SEMA6D: variants seen among roughly 807,000 people sequenced by gnomAD.
SEMA6D encodes the protein semaphorin-6D.
In SEMA6D, 35 loss-of-function variants were observed where a neutral mutation model predicts 106.6. That is an observed-to-expected ratio of 0.33 (90% CI 0.25 to 0.44). The LOEUF (loss-of-function observed/expected upper bound fraction) is 0.44. Ranked by LOEUF, SEMA6D falls within the 20% of genes least tolerant of loss-of-function variation. SEMA6D has a pLI of 1.00. For missense variants in SEMA6D, 1,185 were observed against 1,345.9 expected (o/e 0.88, Z 1.87); for synonymous variants, 499 against 487.7 (o/e 1.02, Z -0.31).
intron 4 of SEMA6D, among the ~76,000 whole-genome samples, chr15:47,658,623 T>G (rs1486420012): frequency 6.6e-6 from 1 of 152,170 alleles, no homozygotes. Flanking sequence ...TGCGCAATCC[T>G]TCCCCCCTCA....
chr15:47,335,689 A>C (rs577628742), intron 1 of SEMA6D, among the ~76,000 whole-genome samples: 2 of 152,174 alleles, frequency 1.3e-5, no homozygotes, highest in African/African-American at 4.8e-5. Flanking sequence ...TGTGGTCTCA[A>C]CTTCCACATA....
chr15:47,663,005 T>G (rs1323012558), intron 4 of SEMA6D, among the ~76,000 whole-genome samples: 1 of 152,144 alleles, frequency 6.6e-6, no homozygotes, highest in Non-Finnish European at 1.5e-5. Flanking sequence ...TGGCAAGAAG[T>G]AGGCTGAAAA....
At chr15:47,765,707 G>A in intron 13 of SEMA6D, 162 bp from the exon 14 acceptor site, 1 of 653,920 alleles carries the variant, frequency 1.5e-6, no homozygotes, top group East Asian at 3.3e-5. Flanking sequence ...ACCATGCAGA[G>A]AAGTAGAAGA....
At chr15:47,288,985 A>G (rs2035486291) in intron 1 of SEMA6D, among the ~76,000 whole-genome samples, 1 of 152,174 alleles carries the variant, frequency 6.6e-6, no homozygotes, top group African/African-American at 2.4e-5. Context: ...TGGGCAACCC[A>G]GAGTTGAAGG....
intron 1 of SEMA6D, among the ~76,000 whole-genome samples, chr15:47,262,166 C>T (rs2034105427): frequency 6.6e-6 from 1 of 152,088 alleles, no homozygotes; most frequent in Non-Finnish European, 1.5e-5. Flanking sequence ...CGACAAACCA[C>T]TGCTCAAAGA....
chr15:47,376,068 A>G (rs2039437276), intron 1 of SEMA6D, among the ~76,000 whole-genome samples: 1 of 152,238 alleles, frequency 6.6e-6, no homozygotes, highest in Admixed American at 6.5e-5. Flanking sequence ...GTCTTCAAAC[A>G]GGATGCACCA....
chr15:47,434,111 G>A (rs2041625538), intron 2 of SEMA6D, among the ~76,000 whole-genome samples: 1 of 152,142 alleles, frequency 6.6e-6, no homozygotes, highest in African/African-American at 2.4e-5. Context: ...AGTAAGAGAT[G>A]TTGAGGCCTC....
intron 4 of SEMA6D, among the ~76,000 whole-genome samples, chr15:47,680,895 C>T (rs775222169): frequency 6.6e-6 from 1 of 152,140 alleles, no homozygotes; most frequent in Non-Finnish European, 1.5e-5. Flanking sequence ...TGAGGTATCA[C>T]CTCACATATT....
At chr15:47,752,985 G>A (rs1357288275) in intron 1 of SEMA6D, among the ~76,000 whole-genome samples, 1 of 151,600 alleles carries the variant, frequency 6.6e-6, no homozygotes, top group African/African-American at 2.4e-5. Flanking sequence ...CTCCACCCTG[G>A]GCAACAGAGC....
At chr15:47,198,953 A>AG (rs1894538586) in intron 1 of SEMA6D, among the ~76,000 whole-genome samples, 1 of 152,216 alleles carries the variant, frequency 6.6e-6, no homozygotes, top group African/African-American at 2.4e-5. Flanking sequence ...TCCCTTAAAA[A>AG]GCATCATTCT....
chr15:47,184,278 G>A (rs1230931207), exon 1 of SEMA6D: 5 of 153,006 alleles, frequency 3.3e-5, no homozygotes, highest in Non-Finnish European at 7.3e-5. Context: ...GCAGCGCGGA[G>A]GCCGGGCGGC....
At chr15:47,759,610 T>G (rs1263477856) in intron 1 of SEMA6D, 135 bp from the exon 2 acceptor site, 7 of 594,478 alleles carry the variant, frequency 1.2e-5, no homozygotes, top group Admixed American at 2.9e-5. Flanking sequence ...TGGCGATACC[T>G]GATCTACCAC....
At chr15:47,388,553 A>G (rs1567044929) in intron 1 of SEMA6D, among the ~76,000 whole-genome samples, 6 of 152,134 alleles carry the variant, frequency 3.9e-5, no homozygotes. Flanking sequence ...GTCACTTAGT[A>G]GCTGTCTGGC....
intron 1 of SEMA6D, among the ~76,000 whole-genome samples, chr15:47,257,788 A>G (rs914232996): frequency 3.3e-5 from 5 of 152,150 alleles, no homozygotes; most frequent in East Asian, 1.9e-4. Flanking sequence ...ATATATGTCA[A>G]CTAGATTCTG....
rs557079288 is a variant in SEMA6D at position 47,415,388 on chromosome 15, G to GGATCA, written c.-159+2917_-159+2918insATCAG. On this transcript the variant is annotated intron_variant, in intron 2 of 19. Coordinates refer to the SEMA6D transcript ENST00000558014. ...CCCTGTCAGTAAGGGGAGTAGAAAG[G>GGATCA]GTCTCTGGGACTGATCCTTGTGGTA... Among the ~76,000 whole-genome samples, 56 of 152,114 alleles carry GGATCA rather than the reference G, an allele frequency of 3.7e-4. No homozygotes were observed. The East Asian group carries it at 7.9e-3, about 22-fold the overall frequency.
chr15:47,306,045 G>A (rs534562328), intron 1 of SEMA6D, among the ~76,000 whole-genome samples: 4 of 151,988 alleles, frequency 2.6e-5, no homozygotes, highest in South Asian at 2.1e-4. Flanking sequence ...GCAGTGGCAC[G>A]ATTTTGGCTC....
In SEMA6D at chr15:47,768,768, CT is replaced by C; in HGVS notation, c.1933+21del. On this transcript the variant is annotated intron_variant, in intron 18 of 18. Transcript: ENST00000536845. ...CAAAGGGTAAGGCCTCAGCAGGGAC[CT>C]CATCTCTAACTGCGTGGAAACCTGA... 1.2e-6 allele frequency: 2 copies of C among 1,603,626 alleles called. No individual in the cohort carries two copies. Among genetic ancestry groups the C allele is most frequent in the Non-Finnish European group, 8.5e-7 (1 of 1,173,820 alleles).
At chr15:47,218,748 T>C (rs923108864) in intron 1 of SEMA6D, among the ~76,000 whole-genome samples, 5 of 152,190 alleles carry the variant, frequency 3.3e-5, no homozygotes, top group African/African-American at 1.2e-4. Flanking sequence ...TGCCAGACAC[T>C]GTGTCAATTG....
intron 4 of SEMA6D, among the ~76,000 whole-genome samples, chr15:47,707,023 T>G (rs1362782293): frequency 1.3e-5 from 2 of 152,168 alleles, no homozygotes; most frequent in Non-Finnish European, 2.9e-5. Context: ...ATTTCAGGGG[T>G]TTTTTTGTAA....
Sources: allele counts gnomAD v4.1 joint callset (sites outside exome capture counted in the v4.1 genomes callset), GRCh38; gene constraint gnomAD v4.1.1; transcripts MANE v1.5; gene names NCBI Gene and HGNC (gene_info 2026-07-23, HGNC 2026-07-21).